The following ARHGAP15 variants were observed in gnomAD, a reference collection of about 807,000 sequenced individuals.
The protein encoded by ARHGAP15 is rho GTPase-activating protein 15.
A neutral mutation model predicts 63.7 loss-of-function variants in ARHGAP15; 51 were observed. The ratio of observed to expected loss-of-function variants is 0.80; its 90% CI spans 0.64 to 1.01. The LOEUF is 1.01. Ranked by LOEUF, ARHGAP15 falls within the 50% of genes least tolerant of loss-of-function variation. The pLI is 0.00. For synonymous variants in ARHGAP15, 191 were observed against 193.8 expected (o/e 0.99, Z 0.12); for missense variants, 560 against 564.6 (o/e 0.99, Z 0.08).
At chr2:143,456,983 A>G (rs1295905789) in intron 8 of ARHGAP15, among the ~76,000 whole-genome samples, 1 of 152,072 alleles carries the variant, frequency 6.6e-6, no homozygotes, top group Non-Finnish European at 1.5e-5. Flanking sequence ...ACTAGCATTT[A>G]TTAATTTAAC....
chr2:143,537,779 T>A (rs1426112111), intron 10 of ARHGAP15, among the ~76,000 whole-genome samples: 1 of 152,196 alleles, frequency 6.6e-6, no homozygotes, highest in Non-Finnish European at 1.5e-5. Context: ...TTGGTTACTG[T>A]AGCCTTGTAG....
At chr2:143,199,672 A>G (rs930019782) in intron 2 of ARHGAP15, among the ~76,000 whole-genome samples, 1 of 152,116 alleles carries the variant, frequency 6.6e-6, no homozygotes, top group Non-Finnish European at 1.5e-5. Context: ...CTTGATCTGA[A>G]CTAGTCACAT....
At chr2:143,569,788 A>G (rs1374515226) in intron 11 of ARHGAP15, among the ~76,000 whole-genome samples, 1 of 152,188 alleles carries the variant, frequency 6.6e-6, no homozygotes, top group Non-Finnish European at 1.5e-5. Context: ...TACAGGGGAC[A>G]AATTAGAAGG....
At chr2:143,755,842 T>C (rs1271887897) in intron 13 of ARHGAP15, among the ~76,000 whole-genome samples, 2 of 152,082 alleles carry the variant, frequency 1.3e-5, no homozygotes, top group African/African-American at 2.4e-5. Flanking sequence ...AGCGGGTGCC[T>C]GTAATCCTAG....
intron 11 of ARHGAP15, among the ~76,000 whole-genome samples, chr2:143,564,443 A>C (rs1696144719): frequency 6.6e-6 from 1 of 152,216 alleles, no homozygotes; most frequent in Admixed American, 6.5e-5. Flanking sequence ...AAGCTCATTC[A>C]TTAAAAAATC....
chr2:143,675,096 A>C (rs1314751201), intron 12 of ARHGAP15, among the ~76,000 whole-genome samples: 1 of 152,208 alleles, frequency 6.6e-6, no homozygotes, highest in Non-Finnish European at 1.5e-5. Context: ...AATATTCTAA[A>C]TCATTTGTTG....
chr2:143,763,764 A>G (rs1686855095), intron 13 of ARHGAP15, among the ~76,000 whole-genome samples: 1 of 147,392 alleles, frequency 6.8e-6, no homozygotes, highest in Non-Finnish European at 1.5e-5. Flanking sequence ...GTATGTATAT[A>G]AATATATTTA....
intron 8 of ARHGAP15, among the ~76,000 whole-genome samples, chr2:143,485,181 C>T (rs566924467): frequency 2.0e-5 from 3 of 152,150 alleles, no homozygotes; most frequent in African/African-American, 7.2e-5. Context: ...ACTATCAACC[C>T]GTCATCTAGG....
chr2:143,517,265 G>C (rs1056045369), intron 9 of ARHGAP15, among the ~76,000 whole-genome samples: 1 of 152,106 alleles, frequency 6.6e-6, no homozygotes, highest in African/African-American at 2.4e-5. Flanking sequence ...ATTATTAATA[G>C]TGTTTTAGCT....
At chr2:143,304,275 TAAA>T (rs1278311446) in intron 6 of ARHGAP15, among the ~76,000 whole-genome samples, 1 of 152,004 alleles carries the variant, frequency 6.6e-6, no homozygotes, top group Non-Finnish European at 1.5e-5. Context: ...TATGCAGCCA[TAAA>T]AAAGGATGAG....
At chr2:143,528,299 T>C (rs1694367970) in intron 10 of ARHGAP15, among the ~76,000 whole-genome samples, 1 of 152,068 alleles carries the variant, frequency 6.6e-6, no homozygotes, top group South Asian at 2.1e-4. Flanking sequence ...CCCACATCTT[T>C]TCCTTTAATT....
At chr2:143,637,318 T>TAG (rs1406005566) in intron 12 of ARHGAP15, among the ~76,000 whole-genome samples, 1 of 152,144 alleles carries the variant, frequency 6.6e-6, no homozygotes, top group Non-Finnish European at 1.5e-5. Context: ...TCCTTATTAA[T>TAG]ATTATACTAT....
At chr2:143,761,334 A>T (rs1009904366) in intron 13 of ARHGAP15, among the ~76,000 whole-genome samples, 8 of 152,084 alleles carry the variant, frequency 5.3e-5, no homozygotes, top group African/African-American at 1.7e-4. Flanking sequence ...TTACCACCAC[A>T]CTCTCCTTAC....
chr2:143,424,391 A>AT (rs1178766856), intron 6 of ARHGAP15, among the ~76,000 whole-genome samples: 4 of 152,132 alleles, frequency 2.6e-5, no homozygotes, highest in Non-Finnish European at 2.9e-5. Flanking sequence ...TTTTTTTAAA[A>AT]AAATGAGAAA....
chr2:143,338,732 A>G (rs998626797), intron 6 of ARHGAP15, among the ~76,000 whole-genome samples: 4 of 152,204 alleles, frequency 2.6e-5, no homozygotes, highest in Non-Finnish European at 5.9e-5. Flanking sequence ...TTTGACCCAG[A>G]TGTCTATCAG....
At position 143,145,906 on chromosome 2, in the gene ARHGAP15, C is replaced by T. The variant is rs1333629596; in HGVS notation, c.-14-9571C>T. ...TAATATATATATAATATATATGTAA[C>T]TTTATTTCCATATGGAATATATATA... is the stretch of plus-strand genomic sequence containing the variant. On this transcript the variant is annotated intron_variant, in intron 1 of 13. Coordinates refer to ENST00000295095, the MANE Select transcript of ARHGAP15 (RefSeq NM_018460.4). 3.4e-5 allele frequency among the ~76,000 whole-genome samples: 5 copies of T among 147,530 alleles called. No individual in the cohort carries two copies. The East Asian group carries it at 9.9e-4, about 29-fold the overall frequency.
intron 3 of ARHGAP15, among the ~76,000 whole-genome samples, chr2:143,206,062 C>G (rs1189640779): frequency 6.6e-6 from 1 of 152,130 alleles, no homozygotes; most frequent in Non-Finnish European, 1.5e-5. Flanking sequence ...CACATACCCT[C>G]AAGCCAGGAG....
At chr2:143,606,035 C>CAAA (rs869266541) in intron 11 of ARHGAP15, among the ~76,000 whole-genome samples, 1,144 of 22,844 alleles carry the variant, frequency 0.05, 350 homozygotes, top group African/African-American at 0.19. Flanking sequence ...GACTCTGTCT[C>CAAA]AAAAAAAAAA....
chr2:143,242,616 G>A (rs998796393), intron 5 of ARHGAP15, among the ~76,000 whole-genome samples: 4 of 152,156 alleles, frequency 2.6e-5, no homozygotes, highest in African/African-American at 9.7e-5. Flanking sequence ...TTCTGAAAAT[G>A]TGGTTTGATT....
Sources: gnomAD v4.1 joint callset for allele counts (sites outside exome capture counted in the v4.1 genomes callset) on GRCh38, gnomAD v4.1.1 for gene constraint, MANE v1.5 for transcripts, NCBI Gene and HGNC (gene_info 2026-07-23, HGNC 2026-07-21) for gene names.